The following PPP2R2B variants were observed in gnomAD, a reference collection of about 807,000 sequenced individuals.
PPP2R2B encodes protein phosphatase 2 regulatory subunit Bbeta.
A neutral mutation model predicts 46.0 loss-of-function variants in PPP2R2B; 5 were observed. The observed-to-expected ratio is 0.11, with a 90% CI of 0.06 to 0.23. The LOEUF (loss-of-function observed/expected upper bound fraction) is 0.23, where lower values mean the gene tolerates loss of function less well. Among genes scored for constraint, PPP2R2B ranks in the 10% least tolerant of loss-of-function variants. The pLI, the probability that PPP2R2B is intolerant of heterozygous loss-of-function variation, is 1.00. For missense variants in PPP2R2B, 367 were observed against 575.0 expected, an observed-to-expected ratio of 0.64 and a Z score of 3.70; for synonymous variants, 215 against 206.7, an observed-to-expected ratio of 1.04 and a Z score of -0.34.
rs186891968 is a variant in PPP2R2B, at chr5:147,004,069, C to T, written c.79+51596G>A. On this transcript the variant is annotated intron_variant, in intron 1 of 8. Coordinates refer to the PPP2R2B transcript ENST00000336640. Reference sequence around the variant, plus strand: ...ATAGGCCCAAAAGGAAAAGCGAGATCGGAGAAAGGCCACAGCCTTAGTCAT... The same window carrying T: ...ATAGGCCCAAAAGGAAAAGCGAGATTGGAGAAAGGCCACAGCCTTAGTCAT... Among the ~76,000 whole-genome samples, 193 of 152,168 alleles carry T rather than the reference C, an allele frequency of 1.3e-3. 1 individual carries two copies. The highest frequency in any genetic ancestry group is 4.5e-3 in the African/African-American group (185 of 41,542).
chr5:146,945,679 A>G (rs1764457102), intron 1 of PPP2R2B, among the ~76,000 whole-genome samples: 1 of 152,212 alleles, frequency 6.6e-6, no homozygotes, highest in South Asian at 2.1e-4. Context: ...CCTAAAGTTT[A>G]GAGGACAGTG....
At chr5:146,730,303 T>A (rs1361817308) in intron 2 of PPP2R2B, among the ~76,000 whole-genome samples, 1 of 152,200 alleles carries the variant, frequency 6.6e-6, no homozygotes, top group Non-Finnish European at 1.5e-5. Context: ...AGGAAGTAAC[T>A]AGCTTGCTTT....
intron 2 of PPP2R2B, among the ~76,000 whole-genome samples, chr5:146,861,853 ATTGTT>A (rs145730245): frequency 0.31 from 45,401 of 144,666 alleles, 7,077 homozygotes; most frequent in African/African-American, 0.41. Context: ...AAAATACAGC[ATTGTT>A]TTTTTTTTTT....
chr5:146,738,236 T>C (rs951919446), intron 2 of PPP2R2B, among the ~76,000 whole-genome samples: 4 of 150,904 alleles, frequency 2.7e-5, no homozygotes, highest in African/African-American at 7.3e-5. Flanking sequence ...CTCTACTAAA[T>C]ATACAAAAAA....
intron 1 of PPP2R2B, among the ~76,000 whole-genome samples, chr5:146,933,979 A>G (rs1480963990): frequency 3.3e-5 from 5 of 151,870 alleles, no homozygotes; most frequent in Non-Finnish European, 7.4e-5. Context: ...ATGATTTCCA[A>G]TTTCATCCAT....
chr5:146,949,583 C>T (rs1764589443), intron 1 of PPP2R2B, among the ~76,000 whole-genome samples: 1 of 151,962 alleles, frequency 6.6e-6, no homozygotes, highest in Non-Finnish European at 1.5e-5. Context: ...TAAATTAGTA[C>T]AACCACTAGG....
intron 1 of PPP2R2B, among the ~76,000 whole-genome samples, chr5:147,027,634 C>A (rs375437529): frequency 4.1e-3 from 510 of 125,002 alleles, no homozygotes; most frequent in Admixed American, 5.1e-3. Context: ...GACTCGGTCT[C>A]AAAAAAAAAA....
chr5:146,791,645 C>T (rs944921941), intron 2 of PPP2R2B, among the ~76,000 whole-genome samples: 8 of 152,220 alleles, frequency 5.3e-5, no homozygotes, highest in Admixed American at 3.3e-4. Context: ...TTTCATACCT[C>T]TGTGCTTTTG....
intron 1 of PPP2R2B, among the ~76,000 whole-genome samples, chr5:146,985,765 AAAG>A (rs1753400219): frequency 6.6e-6 from 1 of 152,222 alleles, no homozygotes. Flanking sequence ...TTAAATAGAA[AAAG>A]AAGAAGTAAA....
At chr5:146,842,481 C>CTT (rs1290808345) in intron 2 of PPP2R2B, among the ~76,000 whole-genome samples, 14,298 of 134,966 alleles carry the variant, frequency 0.11, 1,265 homozygotes, top group African/African-American at 0.25. Context: ...CCTCCATGCC[C>CTT]TTTTTTTTTT....
chr5:146,794,618 T>C (rs1253367827), intron 2 of PPP2R2B, among the ~76,000 whole-genome samples: 2 of 152,170 alleles, frequency 1.3e-5, no homozygotes, highest in East Asian at 3.9e-4. Flanking sequence ...AATTCTACAG[T>C]TGAGTAAGCC....
chr5:146,693,948 C>G (rs1469555262), intron 4 of PPP2R2B, among the ~76,000 whole-genome samples: 1 of 152,176 alleles, frequency 6.6e-6, no homozygotes, highest in Non-Finnish European at 1.5e-5. Context: ...CTGGGAATTC[C>G]TTCCTCTTTT....
intron 2 of PPP2R2B, among the ~76,000 whole-genome samples, chr5:146,741,603 G>A (rs189464335): frequency 2.6e-3 from 399 of 152,210 alleles, no homozygotes; most frequent in African/African-American, 9.1e-3. Flanking sequence ...ACCGCCTCTC[G>A]GGACGTGGGG....
At chr5:146,592,644 G>C (rs1027443126) in intron 9 of PPP2R2B, among the ~76,000 whole-genome samples, 2 of 152,220 alleles carry the variant, frequency 1.3e-5, no homozygotes, top group African/African-American at 4.8e-5. Context: ...AACTGTTCAG[G>C]CTGGAATTTG....
intron 1 of PPP2R2B, among the ~76,000 whole-genome samples, chr5:147,046,705 T>G (rs573730377): frequency 6.6e-6 from 1 of 151,974 alleles, no homozygotes; most frequent in Non-Finnish European, 1.5e-5. Context: ...GCCGGCATTT[T>G]CAACTAAATA....
Position 146,600,267 on chromosome 5 carries a change from CTATGGGTG to C in PPP2R2B, c.960+16_960+23del. 1 of 1,610,594 alleles carries C rather than the reference CTATGGGTG, an allele frequency of 6.2e-7. No homozygotes were observed. Among genetic ancestry groups the C allele is most frequent in the Non-Finnish European group, 8.5e-7 (1 of 1,178,382 alleles). ...CTCATGAAGGGAATGTTCAATATACCTATGGGTGCCTGGGGTTCTATACCTGGTAAGTC... is the reference window on the plus strand; with the variant it reads ...CTCATGAAGGGAATGTTCAATATACCCCTGGGGTTCTATACCTGGTAAGTC... On this transcript the variant is annotated intron_variant, in intron 8 of 9. Transcript: ENST00000394411.
At chr5:146,907,963 T>A (rs1200650759) in intron 1 of PPP2R2B, among the ~76,000 whole-genome samples, 1 of 152,164 alleles carries the variant, frequency 6.6e-6, no homozygotes, top group Non-Finnish European at 1.5e-5. Context: ...TCTTCCTTAT[T>A]AATAAATATG....
intron 2 of PPP2R2B, among the ~76,000 whole-genome samples, chr5:146,837,675 A>T (rs1582231093): frequency 6.6e-6 from 1 of 152,228 alleles, no homozygotes; most frequent in Non-Finnish European, 1.5e-5. Flanking sequence ...ATATCAAAAC[A>T]TTATTGTTGA....
chr5:146,861,205 G>A (rs369291399), intron 2 of PPP2R2B, among the ~76,000 whole-genome samples: 93 of 151,790 alleles, frequency 6.1e-4, no homozygotes, highest in African/African-American at 2.2e-3. Context: ...ACAGGTGCCC[G>A]CCACCACGCC....
Sources: gnomAD v4.1 joint callset for allele counts (sites outside exome capture counted in the v4.1 genomes callset) on GRCh38, gnomAD v4.1.1 for gene constraint, MANE v1.5 for transcripts, NCBI Gene and HGNC (gene_info 2026-07-23, HGNC 2026-07-21) for gene names.